Variants in PDIA6 observed in about 807,000 individuals in gnomAD.
The protein encoded by PDIA6 is protein disulfide isomerase family A member 6, also known as protein disulfide-isomerase A6.
PDIA6 carries 29 observed loss-of-function variants against 58.4 expected under a neutral mutation model. The ratio of observed to expected loss-of-function variants is 0.50; its 90% CI spans 0.37 to 0.68. The LOEUF is 0.68. Among genes scored for constraint, PDIA6 ranks in the 30% least tolerant of loss-of-function variants. The pLI is 0.00. For missense variants in PDIA6, 480 were observed against 551.0 expected, an observed-to-expected ratio of 0.87 and a Z score of 1.29; for synonymous variants, 192 against 202.6, an observed-to-expected ratio of 0.95 and a Z score of 0.44.
intron 12 of PDIA6, 21 bp from the exon 13 acceptor site, chr2:10,784,347 ACT>A (rs1665590955): frequency 3.7e-6 from 6 of 1,606,882 alleles, no homozygotes; most frequent in Non-Finnish European, 5.1e-6. Context: ...ACAGAAAGCC[ACT>A]GTTAGATCTG....
chr2:10,799,659 G>C (rs34426581), intron 2 of PDIA6, among the ~76,000 whole-genome samples: 1 of 152,142 alleles, frequency 6.6e-6, no homozygotes, highest in East Asian at 1.9e-4. Flanking sequence ...TTGTTGTTTA[G>C]GTGAGATACT....
chr2:10,819,467 C>CT (rs1228870689), intron 1 of PDIA6: 2 of 654,406 alleles, frequency 3.1e-6, no homozygotes, highest in African/African-American at 3.7e-5. Flanking sequence ...GCTAAAACTG[C>CT]TTTTGTTAAT....
chr2:10,809,025 T>A (rs986941143), intron 1 of PDIA6, among the ~76,000 whole-genome samples: 1 of 152,162 alleles, frequency 6.6e-6, no homozygotes, highest in Non-Finnish European at 1.5e-5. Flanking sequence ...GCCAGGCTGG[T>A]CTTGAACTCC....
At chr2:10,790,855 G>A (rs1366413766) in intron 6 of PDIA6, 22 bp from the exon 7 acceptor site, 2 of 1,577,054 alleles carry the variant, frequency 1.3e-6, no homozygotes, top group Non-Finnish European at 8.7e-7. Context: ...TATTCGTTTT[G>A]TTTTGTTTCT....
At chr2:10,805,059 T>C (rs533761230) in intron 1 of PDIA6, among the ~76,000 whole-genome samples, 15 of 151,442 alleles carry the variant, frequency 9.9e-5, no homozygotes, top group Non-Finnish European at 1.9e-4. Flanking sequence ...AATTGACAAA[T>C]GGATCTAATT....
intron 2 of PDIA6, among the ~76,000 whole-genome samples, chr2:10,818,510 A>C (rs996374354): frequency 3.4e-4 from 43 of 127,444 alleles, no homozygotes; most frequent in Middle Eastern, 4.0e-3. Context: ...TTATTTATTT[A>C]TTTATTTATT....
chr2:10,788,777 AAATAGAC>A lies in PDIA6; in HGVS notation c.926-15_926-9del. 6.2e-7 allele frequency: 1 copy of A among 1,608,732 alleles called. No homozygotes were observed. The highest frequency in any genetic ancestry group is 8.5e-7 in the Non-Finnish European group (1 of 1,175,082). On this transcript the variant is annotated splice_polypyrimidine_tract_variant and intron_variant, in intron 9 of 12. Coordinates refer to ENST00000272227, the MANE Select transcript of PDIA6 (RefSeq NM_005742.4). ...AATTTCTGCCTGCAGCTCCTGATTT[AAATAGAC>A]AAAGTTTTTTAAAGGTAAAGATAAA... is the stretch of plus-strand genomic sequence containing the variant.
intron 1 of PDIA6, among the ~76,000 whole-genome samples, chr2:10,802,890 G>A (rs1352941876): frequency 1.3e-5 from 2 of 152,166 alleles, no homozygotes; most frequent in Non-Finnish European, 2.9e-5. Context: ...AAAGGCTGAA[G>A]CATTATTCTT....
At chr2:10,787,954 TACGCAGGAGGCTA>T (rs1469404590) in intron 10 of PDIA6, among the ~76,000 whole-genome samples, 1 of 151,058 alleles carries the variant, frequency 6.6e-6, no homozygotes, top group East Asian at 2.0e-4. Context: ...TAGTCCCAGC[TACGCAGGAGGCTA>T]AGGCAGGAGG....
intron 4 of PDIA6, among the ~76,000 whole-genome samples, chr2:10,796,210 T>C (rs1209291636): frequency 6.6e-6 from 1 of 152,106 alleles, no homozygotes; most frequent in Non-Finnish European, 1.5e-5. Context: ...CCCACCACCG[T>C]GCCCGGCTAA....
At chr2:10,816,562 C>T (rs1667203645), upstream of PDIA6, among the ~76,000 whole-genome samples, 4 of 144,096 alleles carry the variant, frequency 2.8e-5, no homozygotes, top group South Asian at 8.7e-4. Flanking sequence ...TTTGGAAGCA[C>T]ACAATTCCAC....
At chr2:10,810,160 C>A in intron 1 of PDIA6, 2 of 738,922 alleles carry the variant, frequency 2.7e-6, no homozygotes, top group Non-Finnish European at 4.7e-6. Context: ...TATATTAAGT[C>A]ATTTAAGAAC....
intron 1 of PDIA6, among the ~76,000 whole-genome samples, chr2:10,825,264 CTG>C (rs763750954): frequency 2.9e-5 from 1 of 34,302 alleles, no homozygotes; most frequent in Non-Finnish European, 5.8e-5. Flanking sequence ...CTGTCTCTCT[CTG>C]TCTCTCTCTC....
At chr2:10,831,630 G>A (rs1043057199) in intron 1 of PDIA6, among the ~76,000 whole-genome samples, 2 of 152,160 alleles carry the variant, frequency 1.3e-5, no homozygotes. Context: ...TCCACACCCT[G>A]CCTGGCAGAC....
chr2:10,786,395 C>G (rs549677101), intron 11 of PDIA6, among the ~76,000 whole-genome samples: 1 of 152,236 alleles, frequency 6.6e-6, no homozygotes, highest in African/African-American at 2.4e-5. Flanking sequence ...GAGCCACAGT[C>G]TGCCCCCCGC....
chr2:10,800,528 G>GT (rs74887694), intron 2 of PDIA6, among the ~76,000 whole-genome samples: 56 of 148,702 alleles, frequency 3.8e-4, no homozygotes, highest in East Asian at 2.2e-3. Flanking sequence ...CATACTTTAG[G>GT]TTTTTTTTTG....
chr2:10,784,793 G>A (rs1481429843), intron 12 of PDIA6, 141 bp downstream of exon 12: 3 of 621,224 alleles, frequency 4.8e-6, no homozygotes, highest in Non-Finnish European at 5.7e-6. Context: ...AGGGTCTTCA[G>A]AGAAGAACCT....
At chr2:10,812,539 C>T in intron 1 of PDIA6, 139 bp downstream of exon 1, 4 of 847,338 alleles carry the variant, frequency 4.7e-6, no homozygotes, top group Non-Finnish European at 6.5e-6. Flanking sequence ...CTCCTCCGGA[C>T]GCCGAGGCCC....
At chr2:10,820,880 C>A in intron 1 of PDIA6, 1 of 702,802 alleles carries the variant, frequency 1.4e-6, no homozygotes, top group South Asian at 1.5e-5. Context: ...CTGGGGGTAT[C>A]TTCTCTCCTC....
Sources: allele counts gnomAD v4.1 joint callset (sites outside exome capture counted in the v4.1 genomes callset), GRCh38; gene constraint gnomAD v4.1.1; transcripts MANE v1.5; gene names NCBI Gene and HGNC (gene_info 2026-07-23, HGNC 2026-07-21).